Variants in ZNF469 observed in about 807,000 individuals in gnomAD.
ZNF469 encodes zinc finger protein 469.
ZNF469 carries 1 observed loss-of-function variant against 1.0 expected under a neutral mutation model. The ratio of observed to expected loss-of-function variants is 1.00; its 90% CI spans 0.35 to 4.73. The LOEUF is 4.73. ZNF469 is among the 30% of genes most tolerant of loss of function. ZNF469 has a pLI of 0.16. For missense variants in ZNF469, 6,100 were observed against 5,356.3 expected (o/e 1.14, Z -4.33); for synonymous variants, 2,703 against 2,363.4 (o/e 1.14, Z -4.17).
At chr16:88,291,168 G>A in the ZNF469 span, among the ~76,000 whole-genome samples, 1 of 152,126 alleles carries the variant, frequency 6.6e-6, no homozygotes, top group Non-Finnish European at 1.5e-5. Flanking sequence ...CTCCCCTCTT[G>A]GCTCCTCAGA....
chr16:88,141,436 T>C, the ZNF469 span, among the ~76,000 whole-genome samples: 37,770 of 105,940 alleles, frequency 0.36, 10,414 homozygotes, highest in Non-Finnish European at 0.5. Context: ...CCCTGGGAGG[T>C]ACCCCCGTCC....
chr16:88,151,214 G>A, the ZNF469 span, among the ~76,000 whole-genome samples: 1 of 152,168 alleles, frequency 6.6e-6, no homozygotes, highest in Non-Finnish European at 1.5e-5. The surrounding 1 kb of genome is among the most constrained non-coding windows in gnomAD (Gnocchi z 5.4). Flanking sequence ...GACTGGTGCC[G>A]ACTGTCAAAC....
At chr16:88,324,430 A>G in the ZNF469 span, among the ~76,000 whole-genome samples, 6 of 152,230 alleles carry the variant, frequency 3.9e-5, no homozygotes, top group African/African-American at 1.4e-4. Context: ...GTGTGAACAC[A>G]CGTGTGGCCA....
At chr16:88,216,618 T>C in the ZNF469 span, among the ~76,000 whole-genome samples, 1 of 152,250 alleles carries the variant, frequency 6.6e-6, no homozygotes, top group Non-Finnish European at 1.5e-5. Context: ...ATCTAAGATT[T>C]TATATCTGGT....
the ZNF469 span, among the ~76,000 whole-genome samples, chr16:88,372,042 T>C: frequency 2.2e-3 from 97 of 44,382 alleles, no homozygotes; most frequent in African/African-American, 4.0e-3. Context: ...TCACTACCAT[T>C]ACCATCACCA....
chr16:88,170,165 C>T, the ZNF469 span, among the ~76,000 whole-genome samples: 8 of 152,204 alleles, frequency 5.3e-5, no homozygotes, highest in East Asian at 7.7e-4. This position sits in a 1 kb window ranked among gnomAD's most constrained non-coding sequence, Gnocchi z 4.2. Flanking sequence ...GAGGTATATT[C>T]GACAAATGGA....
chr16:88,282,997 T>G, the ZNF469 span, among the ~76,000 whole-genome samples: 1 of 152,158 alleles, frequency 6.6e-6, no homozygotes, highest in Non-Finnish European at 1.5e-5. Context: ...ACCCCAGCGA[T>G]TCCCTCCGGA....
At chr16:88,186,819 C>T in the ZNF469 span, among the ~76,000 whole-genome samples, 1 of 152,194 alleles carries the variant, frequency 6.6e-6, no homozygotes, top group African/African-American at 2.4e-5. Flanking sequence ...TCTGGCGGGG[C>T]GGGGGGATGC....
At chr16:88,234,665 G>A in the ZNF469 span, 201 of 152,368 alleles carry the variant, frequency 1.3e-3, no homozygotes, top group African/African-American at 4.8e-3. Flanking sequence ...CGGCCTCCAG[G>A]GTCCCCTCAG....
At chr16:88,344,917 G>A in the ZNF469 span, among the ~76,000 whole-genome samples, 5 of 152,240 alleles carry the variant, frequency 3.3e-5, no homozygotes, top group East Asian at 1.9e-4. Context: ...GGGATTTCCT[G>A]CAACCTTCCA....
chr16:88,265,115 C>T, the ZNF469 span, among the ~76,000 whole-genome samples: 1 of 152,124 alleles, frequency 6.6e-6, no homozygotes, highest in African/African-American at 2.4e-5. Flanking sequence ...TCAGGGACAC[C>T]TCAGGCCAAG....
At chr16:88,381,165 C>G (rs1030657630), upstream of ZNF469, among the ~76,000 whole-genome samples, 6 of 146,454 alleles carry the variant, frequency 4.1e-5, no homozygotes, top group African/African-American at 1.5e-4. Context: ...CACAGACACG[C>G]CCTCACACAC....
chr16:88,281,301 T>C, the ZNF469 span, among the ~76,000 whole-genome samples: 93 of 140,142 alleles, frequency 6.6e-4, no homozygotes, highest in Non-Finnish European at 8.2e-4. Flanking sequence ...TGTGCCACAC[T>C]GATGCTTGGT....
chr16:88,248,006 G>A, the ZNF469 span, among the ~76,000 whole-genome samples: 1,684 of 152,244 alleles, frequency 0.011, 26 homozygotes, highest in African/African-American at 0.038. Flanking sequence ...GGCTATCAGA[G>A]CAGCCAGCCT....
the ZNF469 span, among the ~76,000 whole-genome samples, chr16:88,328,868 G>A: frequency 7.2e-5 from 11 of 152,252 alleles, no homozygotes; most frequent in Non-Finnish European, 1.5e-4. Flanking sequence ...TGGGGGAGAC[G>A]CAGTTTGGCC....
At chr16:88,151,213 C>A in the ZNF469 span, among the ~76,000 whole-genome samples, 1 of 152,138 alleles carries the variant, frequency 6.6e-6, no homozygotes, top group Non-Finnish European at 1.5e-5. This position sits in a 1 kb window ranked among gnomAD's most constrained non-coding sequence, Gnocchi z 5.4. Context: ...GGACTGGTGC[C>A]GACTGTCAAA....
At chr16:88,399,270 T>C (rs11859147) in intron 1 of ZNF469, among the ~76,000 whole-genome samples, 39,469 of 152,144 alleles carry the variant, frequency 0.26, 5,758 homozygotes, top group African/African-American at 0.4. Flanking sequence ...TCCAGACTCA[T>C]ATGACATCTG....
chr16:88,102,079 G>A, the ZNF469 span, among the ~76,000 whole-genome samples: 1 of 109,588 alleles, frequency 9.1e-6, no homozygotes, highest in African/African-American at 3.6e-5. Flanking sequence ...CCCCCGCCCA[G>A]TGTCCTTACG....
chr16:88,134,456 T>C, the ZNF469 span, among the ~76,000 whole-genome samples: 1 of 152,262 alleles, frequency 6.6e-6, no homozygotes, highest in Non-Finnish European at 1.5e-5. Flanking sequence ...TGGATGGGTC[T>C]AGATCATTCC....
Sources: allele counts gnomAD v4.1 joint callset (sites outside exome capture counted in the v4.1 genomes callset), GRCh38; gene constraint gnomAD v4.1.1; non-coding constraint Gnocchi (gnomAD v3.1); transcripts MANE v1.5; gene names NCBI Gene and HGNC (gene_info 2026-07-23, HGNC 2026-07-21).